The following TPH1 variants were observed in gnomAD, a reference collection of about 807,000 sequenced individuals.
The protein encoded by TPH1 is tryptophan 5-hydroxylase 1.
TPH1 carries 37 observed loss-of-function variants against 49.5 expected under a neutral mutation model. The observed-to-expected ratio is 0.75, with a 90% CI of 0.58 to 0.98. The LOEUF is 0.98. Ranked by LOEUF, TPH1 falls within the 50% of genes least tolerant of loss-of-function variation. The probability of loss-of-function intolerance (pLI) is 0.00; values close to 1 mark genes in which losing one functional copy is unlikely to be tolerated. For synonymous variants in TPH1, 160 were observed against 182.1 expected (o/e 0.88, Z 0.98); for missense variants, 487 against 523.6 (o/e 0.93, Z 0.68).
At chr11:18,028,377 C>G (rs991873896) in intron 6 of TPH1, among the ~76,000 whole-genome samples, 1 of 152,182 alleles carries the variant, frequency 6.6e-6, no homozygotes, top group Non-Finnish European at 1.5e-5. Context: ...AACACCCCCA[C>G]GGATGAGGAA....
chr11:18,024,466 G>C (rs1156914851), intron 8 of TPH1, among the ~76,000 whole-genome samples: 1 of 152,138 alleles, frequency 6.6e-6, no homozygotes, highest in African/African-American at 2.4e-5. Context: ...TTAACCTTTT[G>C]GGATATACTG....
At chr11:18,029,428 T>C in intron 5 of TPH1, 67 bp from the exon 6 acceptor site, 1 of 1,562,810 alleles carries the variant, frequency 6.4e-7, no homozygotes, top group Non-Finnish European at 8.8e-7. Context: ...TTATTTCACT[T>C]TCTACTTACC....
intron 8 of TPH1, among the ~76,000 whole-genome samples, 187 bp from the exon 9 acceptor site, chr11:18,024,170 T>G (rs1854395149): frequency 6.6e-6 from 1 of 152,240 alleles, no homozygotes; most frequent in Non-Finnish European, 1.5e-5. Context: ...TGATGACTTT[T>G]ACGTACTATT....
rs1854352200 is a variant in TPH1, at chr11:18,020,896, G to A, written c.*95C>T. On this transcript the variant is annotated 3_prime_UTR_variant, in exon 11 of 11. Transcript: ENST00000682019. ...ATTCGATAATATTGTTTGGCCAGAAGATGCTGTCCCTCCAGGATCAGGTGT... is the reference window on the plus strand; with the variant it reads ...ATTCGATAATATTGTTTGGCCAGAAAATGCTGTCCCTCCAGGATCAGGTGT... 4 of 1,180,434 alleles carry A rather than the reference G, an allele frequency of 3.4e-6. No individual in the cohort carries two copies. Among genetic ancestry groups the A allele is most frequent in the Non-Finnish European group, 3.8e-6 (3 of 787,468 alleles). 73.1% of individuals were successfully genotyped at this position (1,180,434 alleles called of 1,614,324 possible). A position where few individuals can be genotyped will look rare whatever the true frequency, so the allele number is the denominator to read the frequency against.
intron 1 of TPH1, chr11:18,042,407 A>G (rs532240769): frequency 2.2e-6 from 1 of 453,540 alleles, no homozygotes; most frequent in South Asian, 1.6e-5. Context: ...TATCAAACAC[A>G]GAGTATGGGC....
chr11:18,026,200 T>G (rs1004598175), intron 7 of TPH1, among the ~76,000 whole-genome samples: 1 of 152,128 alleles, frequency 6.6e-6, no homozygotes. Context: ...GAATACAAGC[T>G]TTATGCAGGC....
chr11:18,021,937 C>A (rs778234380), intron 10 of TPH1, among the ~76,000 whole-genome samples: 1 of 152,084 alleles, frequency 6.6e-6, no homozygotes, highest in Non-Finnish European at 1.5e-5. Context: ...CAGAGGGGAC[C>A]CCCTTTTCTA....
At chr11:18,033,225 T>A in intron 4 of TPH1, 49 bp downstream of exon 4, 2 of 1,427,402 alleles carry the variant, frequency 1.4e-6, no homozygotes, top group Middle Eastern at 1.8e-4. Context: ...TGCACTCCAG[T>A]CTGGACAGCA....
chr11:18,021,894 A>T (rs1854367619), intron 10 of TPH1, among the ~76,000 whole-genome samples: 2 of 152,190 alleles, frequency 1.3e-5, no homozygotes, highest in African/African-American at 2.4e-5. Flanking sequence ...CATCAGTAGC[A>T]GCTGAAATCC....
intron 1 of TPH1, 173 bp from the exon 2 acceptor site, chr11:18,040,961 CT>C: frequency 1.8e-6 from 1 of 541,468 alleles, no homozygotes; most frequent in Non-Finnish European, 3.2e-6. Flanking sequence ...TAAGATACAA[CT>C]TTGCCTGACA....
intron 1 of TPH1, among the ~76,000 whole-genome samples, chr11:18,044,553 C>A (rs1258959665): frequency 6.6e-6 from 1 of 151,880 alleles, no homozygotes; most frequent in Non-Finnish European, 1.5e-5. Flanking sequence ...CCCCCCCACC[C>A]CAAAATAATC....
intron 2 of TPH1, 92 bp from the exon 3 acceptor site, chr11:18,036,234 T>C (rs942157212): frequency 3.2e-6 from 3 of 944,798 alleles, no homozygotes; most frequent in African/African-American, 1.6e-5. Flanking sequence ...AAAAATCAGA[T>C]TCACACTTCT....
chr11:18,026,721 A>G, intron 6 of TPH1, 96 bp from the exon 7 acceptor site: 2 of 1,408,916 alleles, frequency 1.4e-6, no homozygotes, highest in Non-Finnish European at 2.0e-6. Context: ...TAACACGTTG[A>G]TGGAAGGCAT....
At chr11:18,033,407 C>G (rs779956914) in intron 3 of TPH1, 33 bp from the exon 4 acceptor site, 1 of 1,467,468 alleles carries the variant, frequency 6.8e-7, no homozygotes, top group South Asian at 1.2e-5. Flanking sequence ...AAATAAAAAC[C>G]AGTAAAAGTT....
intron 6 of TPH1, among the ~76,000 whole-genome samples, chr11:18,028,755 T>A (rs1847953772): frequency 6.6e-6 from 1 of 152,140 alleles, no homozygotes; most frequent in African/African-American, 2.4e-5. Flanking sequence ...ATCACTACGC[T>A]TTATTCCCCT....
rs1848093051 is a variant in TPH1 at position 18,040,778 on chromosome 11, A to G, written c.-16T>C. On this transcript the variant is annotated 5_prime_UTR_variant, in exon 2 of 11. Transcript: ENST00000682019. ...CTTCAATCATGATGAATTTGGAGTAATTCTCTAAAACTAAAGTATGAAAAC... is the reference window on the plus strand; with the variant it reads ...CTTCAATCATGATGAATTTGGAGTAGTTCTCTAAAACTAAAGTATGAAAAC... 1 of 1,610,076 alleles carries G rather than the reference A, an allele frequency of 6.2e-7. No individual in the cohort carries two copies. Among genetic ancestry groups the G allele is most frequent in the Non-Finnish European group, 8.5e-7 (1 of 1,178,288 alleles).
At position 18,025,573 on chromosome 11, in the gene TPH1, A is replaced by G; in HGVS notation, c.930+2T>C. The stretch of plus-strand genomic sequence containing the variant: ...AAAATATAGCTAATTCCAGATTTAT[A>G]CCGTTGCCAGTTTTTGAACAGCCTC... On this transcript the variant is annotated splice_donor_variant, in intron 8 of 10. Coordinates refer to ENST00000682019, the MANE Select transcript of TPH1 (RefSeq NM_004179.3). LOFTEE classifies it high-confidence loss of function. The G allele has an allele frequency of 1.2e-6, 2 of 1,613,830 alleles. No individual in the cohort carries two copies. Among genetic ancestry groups the G allele is most frequent in the Admixed American group, 1.7e-5 (1 of 60,018 alleles).
rs958731732 is a variant in TPH1, at chr11:18,046,248, G to A, written c.-34C>T. ...AAGGGCCGCCTCACTCACCTCGGGCGCCAGTAGGTGCAGGCTGGGTCGGCC... is the reference window on the plus strand; with the variant it reads ...AAGGGCCGCCTCACTCACCTCGGGCACCAGTAGGTGCAGGCTGGGTCGGCC... On this transcript the variant is annotated 5_prime_UTR_variant, in exon 1 of 11. Transcript: ENST00000682019. Among the ~76,000 whole-genome samples the A allele has an allele frequency of 1.3e-5, 2 of 152,158 alleles. No individual in the cohort carries two copies. The highest frequency in any genetic ancestry group is 4.8e-5 in the African/African-American group (2 of 41,434).
Position 18,021,085 on chromosome 11 carries a change from G to A in TPH1, c.1241C>T (p.Thr414Ile). 6.2e-7 allele frequency: 1 copy of A among 1,614,016 alleles called. No homozygotes were observed. Among genetic ancestry groups the A allele is most frequent in the Non-Finnish European group, 8.5e-7 (1 of 1,179,946 alleles). ...YTRSIQILKD[T>I]KSITSAMNEL... ...ATTCATGGCACTGGTTATGCTCTTG[G>A]TGTCTTTCAGGATCTGAATACTCCG... is the stretch of plus-strand genomic sequence containing the variant. The change falls in exon 11 of 11, where the codon ACC becomes ATC. Residue 414 changes from threonine (T) to isoleucine (I), a missense_variant. Coordinates refer to ENST00000682019, the MANE Select transcript of TPH1 (RefSeq NM_004179.3).
Sources: allele counts gnomAD v4.1 joint callset (sites outside exome capture counted in the v4.1 genomes callset), GRCh38; gene constraint gnomAD v4.1.1; transcripts MANE v1.5; gene names NCBI Gene and HGNC (gene_info 2026-07-23, HGNC 2026-07-21).